Variants in VMP1 observed in about 807,000 individuals in gnomAD.
VMP1 encodes the protein vacuole membrane protein 1.
A neutral mutation model predicts 56.0 loss-of-function variants in VMP1; 11 were observed. The ratio of observed to expected loss-of-function variants is 0.20; its 90% confidence interval spans 0.12 to 0.32. VMP1 has a LOEUF of 0.32. Among genes scored for constraint, VMP1 ranks in the 10% least tolerant of loss-of-function variants. The pLI is 1.00. For missense variants in VMP1, 296 were observed against 490.3 expected (o/e 0.60, Z 3.74); for synonymous variants, 149 against 165.0 (o/e 0.90, Z 0.74).
chr17:59,739,362 T>C lies in VMP1; in HGVS notation c.414+415T>C, dbSNP rs536011447. Among the ~76,000 whole-genome samples, 135 of 152,374 alleles carry C rather than the reference T, an allele frequency of 8.9e-4. 1 individual carries two copies. In the Middle Eastern group the frequency reaches 0.014, roughly 15 times the overall value. On this transcript the variant is annotated intron_variant, in intron 5 of 11. Coordinates refer to ENST00000262291, the MANE Select transcript of VMP1 (RefSeq NM_030938.5). ...TATTTATTTTGGTATTCTTGTTGAA[T>C]GTAATTGATGGAGTATTAACATGTA...
intron 1 of VMP1, among the ~76,000 whole-genome samples, chr17:59,719,371 T>C (rs1212401329): frequency 1.3e-5 from 2 of 152,076 alleles, no homozygotes; most frequent in African/African-American, 2.4e-5. Flanking sequence ...GAAAGGTTAC[T>C]GAGAAGCATA....
intron 5 of VMP1, among the ~76,000 whole-genome samples, chr17:59,748,433 A>G (rs1417558770): frequency 6.6e-6 from 1 of 152,204 alleles, no homozygotes; most frequent in Non-Finnish European, 1.5e-5. Flanking sequence ...TCTTCAGAGT[A>G]AAACAGCTAG....
At chr17:59,780,320 G>C (rs1432291111) in intron 7 of VMP1, among the ~76,000 whole-genome samples, 4 of 152,210 alleles carry the variant, frequency 2.6e-5, no homozygotes. Context: ...GCCTGCTGCA[G>C]TGGCTCACGC....
intron 7 of VMP1, among the ~76,000 whole-genome samples, chr17:59,796,173 C>T (rs1383433793): frequency 6.6e-6 from 1 of 152,160 alleles, no homozygotes; most frequent in Non-Finnish European, 1.5e-5. Context: ...AGGGAAAAAA[C>T]TCGCCAGAAC....
At chr17:59,758,540 T>C (rs2035929810) in intron 5 of VMP1, among the ~76,000 whole-genome samples, 1 of 151,588 alleles carries the variant, frequency 6.6e-6, no homozygotes, top group Non-Finnish European at 1.5e-5. Context: ...AAAAATTAGA[T>C]GGGGCCAGGT....
rs553338966 is a variant in VMP1, at chr17:59,773,851, T to C, written c.680T>C (p.Phe227Ser). 5 of 1,613,308 alleles carry C rather than the reference T, an allele frequency of 3.1e-6. No homozygotes were observed. The highest frequency in any genetic ancestry group is 4.2e-6 in the Non-Finnish European group (5 of 1,179,776). Residue 227 changes from phenylalanine to serine, a missense_variant, in exon 7 of 12, where the codon TTT becomes TCT. Phe to Ser is a radical substitution (Grantham distance 155). Transcript: ENST00000262291. ...AEPDDEEYQE[F>S]EEMLEHAESA... ...CCAGATGATGAAGAGTATCAGGAAT[T>C]TGAAGAGATGCTGGAACATGCAGAG...
chr17:59,836,240 TA>T (rs2038977885), intron 10 of VMP1, among the ~76,000 whole-genome samples: 1 of 151,918 alleles, frequency 6.6e-6, no homozygotes, highest in South Asian at 2.1e-4. Flanking sequence ...TTTATTTATT[TA>T]TTTTTTTGAG....
chr17:59,732,197 A>G lies in VMP1; in HGVS notation c.76+675A>G, dbSNP rs537531491. Among the ~76,000 whole-genome samples the G allele has an allele frequency of 2.6e-5, 4 of 152,152 alleles. No homozygotes were observed. The South Asian group carries it at 8.3e-4, about 32-fold the overall frequency. ...GGTAATATTTTCACAGCAATCCTCT[A>G]CTTTTAGAGGAAGTGCAAGGAATCT... On this transcript the variant is annotated intron_variant, in intron 2 of 11. Transcript: ENST00000262291.
chr17:59,727,843 G>A (rs1342780823), intron 1 of VMP1, among the ~76,000 whole-genome samples: 1 of 152,180 alleles, frequency 6.6e-6, no homozygotes, highest in Non-Finnish European at 1.5e-5. Context: ...TCAATCATTT[G>A]AAAGTGGCAA....
In VMP1 at chr17:59,735,367, AGGGAGC is replaced by A; in HGVS notation, c.111_116del (p.Arg38_Glu39del). The stretch of plus-strand genomic sequence containing the variant: ...CTCTTCAGTGAATGAAAAGAAGAGG[AGGGAGC>A]GGGAAGAAAGGCAGAATATTGTCCT... On this transcript the variant is annotated inframe_deletion, in exon 3 of 12. Coordinates refer to ENST00000262291, the MANE Select transcript of VMP1 (RefSeq NM_030938.5). The A allele has an allele frequency of 6.2e-7, 1 of 1,614,106 alleles. No homozygotes were observed. Among genetic ancestry groups the A allele is most frequent in the Non-Finnish European group, 8.5e-7 (1 of 1,179,980 alleles).
intron 7 of VMP1, among the ~76,000 whole-genome samples, chr17:59,779,822 C>T (rs530638560): frequency 6.6e-6 from 1 of 152,274 alleles, no homozygotes; most frequent in East Asian, 1.9e-4. Flanking sequence ...AGACTTATTT[C>T]ATTCTTTGCA....
intron 2 of VMP1, 118 bp downstream of exon 2, chr17:59,731,640 A>C: frequency 1.4e-6 from 1 of 705,228 alleles, no homozygotes; most frequent in South Asian, 3.0e-5. Flanking sequence ...TCTTCTTAGT[A>C]AATTAAATTA....
In VMP1 at chr17:59,840,160, T is replaced by G. The variant is rs2039114370; in HGVS notation, c.*249T>G. ...TGGAATGTGATGTTCAGCAGCAAACTTGCAACAGACTGGCCTTCTGTTTGT... is the reference window on the plus strand; with the variant it reads ...TGGAATGTGATGTTCAGCAGCAAACGTGCAACAGACTGGCCTTCTGTTTGT... On this transcript the variant is annotated 3_prime_UTR_variant, in exon 12 of 12. Coordinates refer to ENST00000262291, the MANE Select transcript of VMP1 (RefSeq NM_030938.5). The G allele has an allele frequency of 4.6e-6, 2 of 434,966 alleles. No individual in the cohort carries two copies. Among genetic ancestry groups the G allele is most frequent in the Admixed American group, 4.5e-5 (1 of 22,362 alleles). 26.9% of individuals were successfully genotyped at this position (434,966 alleles called of 1,614,324 possible).
intron 5 of VMP1, 40 bp downstream of exon 5, chr17:59,738,987 C>A: frequency 6.9e-7 from 1 of 1,453,916 alleles, no homozygotes; most frequent in South Asian, 1.3e-5. Flanking sequence ...AATGATATTT[C>A]CTATCTTTTT....
chr17:59,782,344 C>T (rs2173119), intron 7 of VMP1, among the ~76,000 whole-genome samples: 28,569 of 151,976 alleles, frequency 0.19, 3,339 homozygotes, highest in East Asian at 0.44. Context: ...ATTGTTCCAA[C>T]ACTATTTTCC....
chr17:59,720,793 G>A (rs1169672402), intron 1 of VMP1, among the ~76,000 whole-genome samples: 2 of 151,688 alleles, frequency 1.3e-5, no homozygotes, highest in Non-Finnish European at 2.9e-5. Context: ...GACCAACGTG[G>A]TGAAACTCCG....
intron 7 of VMP1, among the ~76,000 whole-genome samples, chr17:59,779,416 G>A (rs541385686): frequency 3.3e-5 from 5 of 152,310 alleles, no homozygotes; most frequent in African/African-American, 1.2e-4. Flanking sequence ...CATTCTCCTT[G>A]TTTTCAGACC....
intron 7 of VMP1, among the ~76,000 whole-genome samples, chr17:59,787,281 A>G (rs186304357): frequency 3.8e-4 from 58 of 152,232 alleles, no homozygotes; most frequent in African/African-American, 1.3e-3. Flanking sequence ...AGAAGCATTT[A>G]CTTTATTTTG....
chr17:59,804,880 A>G (rs1445706543), intron 7 of VMP1, among the ~76,000 whole-genome samples: 1 of 152,208 alleles, frequency 6.6e-6, no homozygotes, highest in Admixed American at 6.5e-5. Context: ...ATTTCAGTAA[A>G]TGTTTGTAGA....
Sources: allele counts gnomAD v4.1 joint callset (sites outside exome capture counted in the v4.1 genomes callset), GRCh38; gene constraint gnomAD v4.1.1; transcripts MANE v1.5; gene names NCBI Gene and HGNC (gene_info 2026-07-23, HGNC 2026-07-21).